Variants in CCDC57 observed in about 807,000 individuals in gnomAD.
The protein encoded by CCDC57 is coiled-coil domain-containing protein 57.
In CCDC57, 118 loss-of-function variants were observed where a neutral mutation model predicts 118.9. The ratio of observed to expected loss-of-function variants is 0.99; its 90% confidence interval spans 0.86 to 1.16. The LOEUF (loss-of-function observed/expected upper bound fraction) is 1.16, where lower values mean the gene tolerates loss of function less well. Ranked by LOEUF, CCDC57 falls within the 50% of genes most tolerant of loss-of-function variation. CCDC57 has a pLI of 0.00. For synonymous variants in CCDC57, 527 were observed against 532.9 expected (o/e 0.99, Z 0.15); for missense variants, 1,300 against 1,320.7 (o/e 0.98, Z 0.24).
At chr17:82,184,027 G>T in intron 8 of CCDC57, 95 bp from the exon 8 acceptor site, 7 of 325,782 alleles carry the variant, frequency 2.1e-5, no homozygotes, top group Non-Finnish European at 3.3e-5. Flanking sequence ...GCGCGCGCGC[G>T]CGCGCACACA....
intron 13 of CCDC57, 149 bp downstream of exon 12, chr17:82,171,552 A>T: frequency 2.7e-6 from 2 of 745,090 alleles, no homozygotes; most frequent in Non-Finnish European, 4.2e-6. Flanking sequence ...TGGGCTCTGG[A>T]GGGAGCACAA....
intron 5 of CCDC57, 63 bp downstream of exon 4, chr17:82,195,200 G>T: frequency 8.4e-7 from 1 of 1,185,968 alleles, no homozygotes; most frequent in Non-Finnish European, 1.2e-6. Flanking sequence ...ACAGGTGTGA[G>T]CCACCACACC....
chr17:82,157,482 G>A (rs2042814355), intron 15 of CCDC57: 20 of 1,404,692 alleles, frequency 1.4e-5, no homozygotes, highest in Non-Finnish European at 1.8e-5. Flanking sequence ...TAGCTGAAGG[G>A]AGGACTGGGA....
chr17:82,168,363 C>T (rs1343413543), intron 13 of CCDC57, among the ~76,000 whole-genome samples: 3 of 152,058 alleles, frequency 2.0e-5, no homozygotes, highest in South Asian at 2.1e-4. Context: ...GGGAGGCCAG[C>T]GCAAGTGGAT....
intron 5 of CCDC57, 122 bp downstream of exon 4, chr17:82,195,141 C>A (rs576583395): frequency 2.6e-6 from 2 of 755,200 alleles, no homozygotes; most frequent in African/African-American, 1.7e-5. Context: ...GGCTTGAACT[C>A]CTGGGCCCAA....
In CCDC57 at chr17:82,199,477, C is replaced by CA. The variant is rs55713414; in HGVS notation, c.408-1056dup. Reference sequence around the variant, plus strand: ...TGGGCGACAGAGCAAGACTCTGTCTCAAAAAAAAAAAAAGAGTGTGAGACT... The same window carrying CA: ...TGGGCGACAGAGCAAGACTCTGTCTCAAAAAAAAAAAAAAGAGTGTGAGACT... On this transcript the variant is annotated intron_variant, in intron 3 of 19. Coordinates refer to ENST00000665763, the Ensembl canonical transcript of CCDC57. Among the ~76,000 whole-genome samples the CA allele has an allele frequency of 1.2e-3, 101 of 87,662 alleles. 5 individuals are homozygous for CA. Among genetic ancestry groups the CA allele is most frequent in the African/African-American group, 2.8e-3 (62 of 22,368 alleles). The allele number at this position is 87,662 out of a possible 152,430, so 57.5% of individuals were successfully genotyped here.
intron 19 of CCDC57, chr17:82,108,909 C>T (rs1376296278): frequency 1.3e-5 from 2 of 152,206 alleles, no homozygotes; most frequent in South Asian, 4.1e-4. Flanking sequence ...GGCGCGTGCT[C>T]ACACTCTTTA....
chr17:82,113,457 C>T (rs767895165), intron 19 of CCDC57: 1 of 717,612 alleles, frequency 1.4e-6, no homozygotes, highest in African/African-American at 1.7e-5. Flanking sequence ...AGGGTCCTCT[C>T]CTTCCTGGAC....
At chr17:82,116,367 C>T (rs770497922) in intron 19 of CCDC57, among the ~76,000 whole-genome samples, 5 of 152,100 alleles carry the variant, frequency 3.3e-5, no homozygotes, top group Non-Finnish European at 7.4e-5. Context: ...TGGCAGGGAC[C>T]GCCTCCAAAT....
intron 3 of CCDC57, among the ~76,000 whole-genome samples, chr17:82,199,242 C>G (rs1012310338): frequency 6.6e-6 from 1 of 151,890 alleles, no homozygotes; most frequent in Admixed American, 6.6e-5. Flanking sequence ...CTTTGGGAGG[C>G]CAAGGCAGGT....
intron 15 of CCDC57, among the ~76,000 whole-genome samples, chr17:82,152,965 T>C (rs1049489317): frequency 5.3e-5 from 8 of 152,204 alleles, no homozygotes; most frequent in African/African-American, 1.9e-4. Flanking sequence ...GAAAGTTCTA[T>C]GGTGCCGCAG....
intron 11 of CCDC57, among the ~76,000 whole-genome samples, 195 bp downstream of exon 10, chr17:82,178,279 T>C (rs1161818241): frequency 6.6e-6 from 1 of 152,172 alleles, no homozygotes; most frequent in Non-Finnish European, 1.5e-5. Context: ...CTTTCGAATA[T>C]GAAAGATACA....
chr17:82,178,428 C>G, intron 11 of CCDC57, 46 bp downstream of exon 10: 1 of 1,544,468 alleles, frequency 6.5e-7, no homozygotes, highest in Non-Finnish European at 8.7e-7. Flanking sequence ...ATTTTCCCAC[C>G]GCTGCTGTTG....
chr17:82,173,132 G>A (rs2044987718), intron 11 of CCDC57, among the ~76,000 whole-genome samples: 2 of 152,136 alleles, frequency 1.3e-5, no homozygotes, highest in Non-Finnish European at 1.5e-5. Context: ...TGCTGGGGCT[G>A]TGGGCGGGGA....
At chr17:82,129,005 G>A (rs1269584343) in intron 17 of CCDC57, among the ~76,000 whole-genome samples, 29 of 151,596 alleles carry the variant, frequency 1.9e-4, no homozygotes, top group Admixed American at 1.8e-3. Flanking sequence ...TGCAACCTCC[G>A]CCTCCTGGGT....
intron 16 of CCDC57, among the ~76,000 whole-genome samples, chr17:82,138,649 A>ATGGCCTGCCCCGGGTTGGAAGAGACGCG (rs2039596570): frequency 1.5e-5 from 2 of 134,958 alleles, no homozygotes; most frequent in Non-Finnish European, 3.3e-5. Flanking sequence ...GAAGAGACGC[A>ATGGCCTGCCCCGGGTTGGAAGAGACGCG]TGGCCTGCCC....
intron 13 of CCDC57, among the ~76,000 whole-genome samples, chr17:82,165,493 A>T (rs896675039): frequency 1.3e-5 from 2 of 152,014 alleles, no homozygotes; most frequent in Non-Finnish European, 2.9e-5. Context: ...AGACCAAAAA[A>T]AAAAAAGGCC....
intron 16 of CCDC57, among the ~76,000 whole-genome samples, chr17:82,140,530 T>C (rs1006262549): frequency 6.6e-6 from 1 of 152,212 alleles, no homozygotes; most frequent in African/African-American, 2.4e-5. Context: ...CAGGGATATC[T>C]TACTCTCCCG....
intron 19 of CCDC57, among the ~76,000 whole-genome samples, chr17:82,111,385 T>G (rs2035232155): frequency 6.7e-6 from 1 of 148,294 alleles, no homozygotes; most frequent in Admixed American, 6.7e-5. Flanking sequence ...CCCTTTTTTT[T>G]TTTTTTTTTT....
Sources: gnomAD v4.1 joint callset for allele counts (sites outside exome capture counted in the v4.1 genomes callset) on GRCh38, gnomAD v4.1.1 for gene constraint, MANE v1.5 for transcripts, NCBI Gene and HGNC (gene_info 2026-07-23, HGNC 2026-07-21) for gene names.